RPL41: variants seen among roughly 807,000 people sequenced by gnomAD.
RPL41 encodes small ribosomal subunit protein eS32.
In RPL41, 3 loss-of-function variants were observed where a neutral mutation model predicts 7.3. That is an observed-to-expected ratio of 0.41 (90% CI 0.19 to 1.06). The LOEUF is 1.06. Among genes scored for constraint, RPL41 ranks in the 50% least tolerant of loss-of-function variants. The pLI is 0.32. For synonymous variants in RPL41, 9 were observed against 7.4 expected (o/e 1.21, Z -0.34); for missense variants, 13 against 30.4 (o/e 0.43, Z 1.35).
intron 1 of RPL41, 80 bp downstream of exon 1, chr12:56,116,879 C>A: frequency 1.3e-6 from 2 of 1,542,954 alleles, no homozygotes; most frequent in Non-Finnish European, 1.8e-6. Flanking sequence ...TCCGCCATAC[C>A]TCCTGAACTA....
chr12:56,116,692 C>T lies in RPL41; in HGVS notation c.-96C>T. On this transcript the variant is annotated 5_prime_UTR_variant, in exon 1 of 3. Transcript: ENST00000546591. ...TTTTTTGGTTCCTGCGTTGGGATTC[C>T]GTGTACAATCCATAGACATCTGACC... The T allele has an allele frequency of 2.1e-6, 3 of 1,437,574 alleles. No homozygotes were observed. Among genetic ancestry groups the T allele is most frequent in the Admixed American group, 1.7e-5 (1 of 59,318 alleles). 89.1% of individuals were successfully genotyped at this position (1,437,574 alleles called of 1,614,324 possible).
chr12:56,117,348 CAG>C lies in RPL41; in HGVS notation c.36-132_36-131del. 3.6e-6 allele frequency: 5 copies of C among 1,405,356 alleles called. 1 individual carries two copies. The highest frequency in any genetic ancestry group is 2.5e-5 in the South Asian group (2 of 80,076). The allele number at this position is 1,405,356 out of a possible 1,614,324, so 87.1% of individuals were successfully genotyped here. A position where few individuals can be genotyped will look rare whatever the true frequency, so the allele number is the denominator to read the frequency against. On this transcript the variant is annotated intron_variant, in intron 2 of 2. Coordinates refer to ENST00000546591, the MANE Select transcript of RPL41 (RefSeq NM_001035267.2). ...TTTTCTCCCTGGAGCCAGGATTTAA[CAG>C]AACAGAGAACGATAGAACCGTAGTG...
rs1869666751 is a variant in RPL41, at chr12:56,117,768, T to C, written c.*244T>C. ...TCTGGACTATTTCTGTGTTTATTTG[T>C]GGCCGAGTGTAACAACCATATAATA... On this transcript the variant is annotated 3_prime_UTR_variant, in exon 3 of 3. Transcript: ENST00000546591. 1.9e-6 allele frequency: 1 copy of C among 527,082 alleles called. No individual in the cohort carries two copies. The highest frequency in any genetic ancestry group is 3.1e-5 in the Admixed American group (1 of 31,780). The allele number at this position is 527,082 out of a possible 1,614,324, so 32.7% of individuals were successfully genotyped here. A position where few individuals can be genotyped will look rare whatever the true frequency, so the allele number is the denominator to read the frequency against.
rs1236507678 is a variant in RPL41 at position 56,117,544 on chromosome 12, G to A, written c.*20G>A. 6.5e-7 allele frequency: 1 copy of A among 1,534,380 alleles called. No homozygotes were observed. Among genetic ancestry groups the A allele is most frequent in the African/African-American group, 1.4e-5 (1 of 72,900 alleles). ...AAGTAAACCGCTAGCTTGTTGCACC[G>A]TGGAGGCCACAGGAGCAGAAACATG... is the stretch of plus-strand genomic sequence containing the variant. On this transcript the variant is annotated 3_prime_UTR_variant, in exon 3 of 3. Coordinates refer to ENST00000546591, the MANE Select transcript of RPL41 (RefSeq NM_001035267.2).
At position 56,117,529 on chromosome 12, in the gene RPL41, C is replaced by T; in HGVS notation, c.*5C>T. The T allele has an allele frequency of 6.4e-7, 1 of 1,551,166 alleles. No individual in the cohort carries two copies. The highest frequency in any genetic ancestry group is 8.7e-7 in the Non-Finnish European group (1 of 1,146,366). On this transcript the variant is annotated 3_prime_UTR_variant, in exon 3 of 3. Transcript: ENST00000546591. ...ATGAGGCAGAGGTCCAAGTAAACCGCTAGCTTGTTGCACCGTGGAGGCCAC... is the reference window on the plus strand; with the variant it reads ...ATGAGGCAGAGGTCCAAGTAAACCGTTAGCTTGTTGCACCGTGGAGGCCAC...
Position 56,116,650 on chromosome 12 carries a change from AT to A in RPL41, c.-131del. 5.5e-6 allele frequency: 6 copies of A among 1,089,432 alleles called. No homozygotes were observed. The highest frequency in any genetic ancestry group is 8.5e-6 in the Non-Finnish European group (6 of 708,978). 67.5% of individuals were successfully genotyped at this position (1,089,432 alleles called of 1,614,324 possible). A position where few individuals can be genotyped will look rare whatever the true frequency, so the allele number is the denominator to read the frequency against. On this transcript the variant is annotated 5_prime_UTR_variant, in exon 1 of 3. Coordinates refer to ENST00000546591, the MANE Select transcript of RPL41 (RefSeq NM_001035267.2). ...TCGCCTTTCTCTCGGCCTTAGCGCC[AT>A]TTTTTTGGGTGAGTGTTTTTTGGTT...
At position 56,117,902 on chromosome 12, in the gene RPL41, T is replaced by C. The variant is rs935790340; in HGVS notation, c.*378T>C. 2 of 349,452 alleles carry C rather than the reference T, an allele frequency of 5.7e-6. No individual in the cohort carries two copies. The highest frequency in any genetic ancestry group is 4.3e-5 in the African/African-American group (2 of 46,728). 21.6% of individuals were successfully genotyped at this position (349,452 alleles called of 1,614,324 possible). A position where few individuals can be genotyped will look rare whatever the true frequency, so the allele number is the denominator to read the frequency against. ...CTGTCATTAGAGTTTGCCCTGTCAC[T>C]ACCTGTGCTATGGAGGGTATCAAAG... On this transcript the variant is annotated 3_prime_UTR_variant, in exon 3 of 3. Transcript: ENST00000546591.
At position 56,116,633 on chromosome 12, in the gene RPL41, C is replaced by T. The variant is rs562553476; in HGVS notation, c.-155C>T. On this transcript the variant is annotated 5_prime_UTR_variant, in exon 1 of 3. Coordinates refer to ENST00000546591, the MANE Select transcript of RPL41 (RefSeq NM_001035267.2). Reference sequence around the variant, plus strand: ...TAGCCGTAGACGGAACTTCGCCTTTCTCTCGGCCTTAGCGCCATTTTTTTG... The same window carrying T: ...TAGCCGTAGACGGAACTTCGCCTTTTTCTCGGCCTTAGCGCCATTTTTTTG... 64 of 890,360 alleles carry T rather than the reference C, an allele frequency of 7.2e-5. No homozygotes were observed. Among genetic ancestry groups the T allele is most frequent in the South Asian group, 5.5e-4 (39 of 71,002 alleles). The allele number at this position is 890,360 out of a possible 1,614,324, so 55.2% of individuals were successfully genotyped here. A position where few individuals can be genotyped will look rare whatever the true frequency, so the allele number is the denominator to read the frequency against.
chr12:56,117,383 A>C (rs955690232), intron 2 of RPL41, 99 bp from the exon 3 acceptor site: 5 of 1,448,284 alleles, frequency 3.5e-6, no homozygotes, highest in Non-Finnish European at 4.7e-6. Flanking sequence ...GTGCTTGTTC[A>C]TTTTACCACC....
intron 1 of RPL41, 68 bp from the exon 2 acceptor site, chr12:56,117,121 A>G: frequency 2.0e-6 from 3 of 1,518,796 alleles, no homozygotes; most frequent in Non-Finnish European, 2.6e-6. Flanking sequence ...TGCTAAGCCT[A>G]CTAATAAGCT....
intron 2 of RPL41, 119 bp downstream of exon 2, chr12:56,117,330 C>A: frequency 1.4e-6 from 2 of 1,436,370 alleles, no homozygotes; most frequent in Non-Finnish European, 1.9e-6. Flanking sequence ...GTGTTTTCTC[C>A]CTGGAGCCAG....
intron 1 of RPL41, 75 bp from the exon 2 acceptor site, chr12:56,117,114 T>C (rs1869633046): frequency 6.6e-7 from 1 of 1,516,096 alleles, no homozygotes; most frequent in Non-Finnish European, 8.8e-7. Flanking sequence ...ATATCCTTGC[T>C]AAGCCTACTA....
At position 56,117,540 on chromosome 12, in the gene RPL41, C is replaced by A. The variant is rs1592238763; in HGVS notation, c.*16C>A. ...GTCCAAGTAAACCGCTAGCTTGTTG[C>A]ACCGTGGAGGCCACAGGAGCAGAAA... On this transcript the variant is annotated 3_prime_UTR_variant, in exon 3 of 3. Coordinates refer to ENST00000546591, the MANE Select transcript of RPL41 (RefSeq NM_001035267.2). 6 of 1,541,246 alleles carry A rather than the reference C, an allele frequency of 3.9e-6. No homozygotes were observed. In the East Asian group the frequency reaches 1.5e-4, roughly 38 times the overall value.
intron 1 of RPL41, 60 bp downstream of exon 1, chr12:56,116,859 C>T: frequency 1.2e-6 from 2 of 1,600,428 alleles, no homozygotes; most frequent in Middle Eastern, 1.7e-4. Context: ...AGCGAGGAGA[C>T]GAAGGCAAGT....
In RPL41 at chr12:56,117,396, A is replaced by G. The variant is rs916955926; in HGVS notation, c.36-86A>G. 3.4e-6 allele frequency: 5 copies of G among 1,468,922 alleles called. No homozygotes were observed. In the African/African-American group the frequency reaches 7.0e-5, roughly 21 times the overall value. 91.0% of individuals were successfully genotyped at this position (1,468,922 alleles called of 1,614,324 possible). ...TAGTGCTTGTTCATTTTACCACCTC[A>G]TTCTTTATGTGGACGTTTGATTTAA... On this transcript the variant is annotated intron_variant, in intron 2 of 2. Transcript: ENST00000546591.
At chr12:56,117,120 T>A in intron 1 of RPL41, 69 bp from the exon 2 acceptor site, 1 of 1,522,364 alleles carries the variant, frequency 6.6e-7, no homozygotes, top group South Asian at 1.3e-5. Flanking sequence ...TTGCTAAGCC[T>A]ACTAATAAGC....
chr12:56,117,937 C>G lies in RPL41; in HGVS notation c.*413C>G, dbSNP rs893882798. On this transcript the variant is annotated 3_prime_UTR_variant, in exon 3 of 3. Coordinates refer to ENST00000546591, the MANE Select transcript of RPL41 (RefSeq NM_001035267.2). ...ATGGAGGGTATCAAAGCTATAAAGG[C>G]AACAGCCCGGGTTACGTGGTGTGGT... The G allele has an allele frequency of 1.1e-5, 3 of 285,254 alleles. No homozygotes were observed. The highest frequency in any genetic ancestry group is 4.8e-5 in the Admixed American group (1 of 20,742). 17.7% of individuals were successfully genotyped at this position (285,254 alleles called of 1,614,324 possible).
At position 56,117,634 on chromosome 12, in the gene RPL41, C is replaced by G; in HGVS notation, c.*110C>G. 1.2e-6 allele frequency: 1 copy of G among 836,860 alleles called. No individual in the cohort carries two copies. The highest frequency in any genetic ancestry group is 2.0e-6 in the Non-Finnish European group (1 of 507,184). The allele number at this position is 836,860 out of a possible 1,614,324, so 51.8% of individuals were successfully genotyped here. On this transcript the variant is annotated 3_prime_UTR_variant, in exon 3 of 3. Transcript: ENST00000546591. ...CTGCATGCTACTGTCTAGAGCTTGT[C>G]TCAATGGATCTAGAACTTCATCGCC...
Position 56,117,216 on chromosome 12 carries a change from G to A in RPL41, c.35+5G>A, listed in dbSNP as rs1401592809. ...GAGGAAGAAGCGAATGCGCAGGTAC[G>A]TTGAGACTTTGCCAGCCCAGGAGGA... On this transcript the variant is annotated splice_donor_5th_base_variant and intron_variant, in intron 2 of 2. Coordinates refer to ENST00000546591, the MANE Select transcript of RPL41 (RefSeq NM_001035267.2). 6 of 1,598,356 alleles carry A rather than the reference G, an allele frequency of 3.8e-6. No homozygotes were observed. Among genetic ancestry groups the A allele is most frequent in the African/African-American group, 1.4e-5 (1 of 72,582 alleles).
Sources: allele counts gnomAD v4.1 joint callset, GRCh38; gene constraint gnomAD v4.1.1; transcripts MANE v1.5; gene names NCBI Gene and HGNC (gene_info 2026-07-23, HGNC 2026-07-21).